RANBP2: variants seen among roughly 807,000 people sequenced by gnomAD.
RANBP2 encodes E3 SUMO-protein ligase RanBP2.
RANBP2 carries 57 observed loss-of-function variants against 303.6 expected under a neutral mutation model. The ratio of observed to expected loss-of-function variants is 0.19; its 90% CI spans 0.15 to 0.23. The LOEUF (loss-of-function observed/expected upper bound fraction) is 0.23. RANBP2 is among the 10% of genes least tolerant of loss of function. The pLI, the probability that RANBP2 is intolerant of heterozygous loss-of-function variation, is 1.00. For synonymous variants in RANBP2, 1,167 were observed against 1,301.5 expected (o/e 0.90, Z 2.23); for missense variants, 3,138 against 3,780.8 (o/e 0.83, Z 4.46).
chr2:109,597,449 T>C, the RANBP2 span, among the ~76,000 whole-genome samples: 2 of 152,172 alleles, frequency 1.3e-5, no homozygotes, highest in Admixed American at 6.5e-5. Flanking sequence ...GTCTCAACAG[T>C]AGTAAGACAT....
the RANBP2 span, among the ~76,000 whole-genome samples, chr2:109,436,579 G>GAC: frequency 6.6e-6 from 1 of 152,254 alleles, no homozygotes; most frequent in South Asian, 2.1e-4. Context: ...TGTATCTGGA[G>GAC]ACACACAGCT....
At chr2:109,299,413 A>G in the RANBP2 span, among the ~76,000 whole-genome samples, 1 of 149,756 alleles carries the variant, frequency 6.7e-6, no homozygotes, top group South Asian at 2.2e-4. Flanking sequence ...CACATCCTTG[A>G]GTGGCCATCC....
the RANBP2 span, among the ~76,000 whole-genome samples, chr2:108,831,802 G>A: frequency 2.7e-5 from 4 of 150,762 alleles, no homozygotes; most frequent in South Asian, 2.1e-4. Context: ...GCATGATCTC[G>A]GCCCACTGCA....
intron 25 of RANBP2, among the ~76,000 whole-genome samples, chr2:108,779,688 G>A (rs898956212): frequency 7.2e-5 from 11 of 152,158 alleles, no homozygotes; most frequent in African/African-American, 2.7e-4. Context: ...TGGGGACTTG[G>A]TCATCTAAAT....
Position 108,719,566 on chromosome 2 carries a change from G to T in RANBP2, c.-41G>T, listed in dbSNP as rs372373398. On this transcript the variant is annotated 5_prime_UTR_variant, in exon 1 of 29. Transcript: ENST00000283195. ...GAAGTGGCGACTGCTGCGGGCCTGA[G>T]CGCTGGTCTCACGCGCCTCGGGAGC... 4.4e-3 allele frequency: 6,895 copies of T among 1,582,444 alleles called. 19 individuals carry two copies. Among genetic ancestry groups the T allele is most frequent in the Non-Finnish European group, 5.5e-3 (6,364 of 1,166,218 alleles).
At chr2:109,191,067 T>C in the RANBP2 span, among the ~76,000 whole-genome samples, 1 of 152,042 alleles carries the variant, frequency 6.6e-6, no homozygotes, top group Non-Finnish European at 1.5e-5. Flanking sequence ...TAACCTCCTC[T>C]GTTGTATTCG....
At chr2:108,874,663 G>A in the RANBP2 span, among the ~76,000 whole-genome samples, 1 of 152,094 alleles carries the variant, frequency 6.6e-6, no homozygotes, top group Non-Finnish European at 1.5e-5. Flanking sequence ...GGGATTAAGA[G>A]ATCCATATGT....
the RANBP2 span, among the ~76,000 whole-genome samples, chr2:108,977,123 C>T: frequency 6.9e-6 from 1 of 144,626 alleles, no homozygotes; most frequent in Non-Finnish European, 1.5e-5. Context: ...TTCCAGTGGC[C>T]CCCACTGGCC....
At chr2:108,941,139 A>G in the RANBP2 span, among the ~76,000 whole-genome samples, 1 of 152,222 alleles carries the variant, frequency 6.6e-6, no homozygotes, top group South Asian at 2.1e-4. Flanking sequence ...AATACCTGTG[A>G]TGCGTCTGCG....
the RANBP2 span, chr2:108,923,285 A>T: frequency 7.5e-7 from 1 of 1,336,294 alleles, no homozygotes; most frequent in Non-Finnish European, 1.1e-6. Context: ...AGGTGCCAGG[A>T]CCGGCTCTTT....
At chr2:109,565,613 G>A in the RANBP2 span, 31 of 666,934 alleles carry the variant, frequency 4.6e-5, no homozygotes, top group Admixed American at 2.2e-4. Flanking sequence ...GGCTCTACAC[G>A]GCCTCCAGAC....
chr2:108,942,839 A>G, the RANBP2 span, among the ~76,000 whole-genome samples: 2 of 152,224 alleles, frequency 1.3e-5, no homozygotes, highest in African/African-American at 4.8e-5. Context: ...AAACATTTTC[A>G]GGCTCCCAGT....
chr2:109,324,747 A>G, the RANBP2 span, among the ~76,000 whole-genome samples: 1 of 152,214 alleles, frequency 6.6e-6, no homozygotes, highest in Admixed American at 6.5e-5. Flanking sequence ...TAAGCGCCAA[A>G]TGACTTGAAG....
chr2:109,524,823 T>C, the RANBP2 span, among the ~76,000 whole-genome samples: 1 of 152,024 alleles, frequency 6.6e-6, no homozygotes, highest in African/African-American at 2.4e-5. Flanking sequence ...TTTTAAGGGT[T>C]TCTAAATGAG....
At chr2:109,306,592 A>G in the RANBP2 span, among the ~76,000 whole-genome samples, 1 of 152,186 alleles carries the variant, frequency 6.6e-6, no homozygotes. Flanking sequence ...GCAGGAAGCT[A>G]CATGCCATGG....
chr2:108,901,059 C>CCA, the RANBP2 span, among the ~76,000 whole-genome samples: 1 of 152,142 alleles, frequency 6.6e-6, no homozygotes, highest in Non-Finnish European at 1.5e-5. Flanking sequence ...ATTTATAGAA[C>CCA]ACTCCATTCA....
chr2:108,848,367 A>G, the RANBP2 span, among the ~76,000 whole-genome samples: 3 of 152,170 alleles, frequency 2.0e-5, no homozygotes, highest in Non-Finnish European at 4.4e-5. Flanking sequence ...ATGAAGTATG[A>G]ATATTGGGAA....
chr2:109,333,159 C>T, the RANBP2 span, among the ~76,000 whole-genome samples: 51 of 152,326 alleles, frequency 3.3e-4, no homozygotes, highest in South Asian at 1.9e-3. Flanking sequence ...ATCTTGCTCG[C>T]GGCAGCACCA....
chr2:109,129,358 CCACGCAGGCCGGTCGG>C, the RANBP2 span: 4 of 323,292 alleles, frequency 1.2e-5, no homozygotes, highest in Non-Finnish European at 2.1e-5. Context: ...CCGGTCCCCG[CCACGCAGGCCGGTCGG>C]TGAGCCACTT....
Sources: allele counts gnomAD v4.1 joint callset (sites outside exome capture counted in the v4.1 genomes callset), GRCh38; gene constraint gnomAD v4.1.1; transcripts MANE v1.5; gene names NCBI Gene and HGNC (gene_info 2026-07-23, HGNC 2026-07-21).